TASP1: variants seen among roughly 807,000 people sequenced by gnomAD.
TASP1 encodes the protein taspase 1.
In TASP1, 16 loss-of-function variants were observed where a neutral mutation model predicts 56.6. The ratio of observed to expected loss-of-function variants is 0.28; its 90% CI spans 0.19 to 0.43. The LOEUF is 0.43. TASP1 is among the 20% of genes least tolerant of loss of function. The probability of loss-of-function intolerance (pLI) is 1.00; values close to 1 mark genes in which losing one functional copy is unlikely to be tolerated. For synonymous variants in TASP1, 179 were observed against 184.2 expected, an observed-to-expected ratio of 0.97 and a Z score of 0.23; for missense variants, 393 against 511.6, an observed-to-expected ratio of 0.77 and a Z score of 2.24.
chr20:13,557,705 C>T (rs1351528016), intron 8 of TASP1, among the ~76,000 whole-genome samples: 2 of 151,002 alleles, frequency 1.3e-5, no homozygotes, highest in African/African-American at 4.9e-5. Context: ...CTCAGCCTCC[C>T]GAGTAGCTGA....
chr20:13,545,571 T>A (rs547916679), intron 8 of TASP1, among the ~76,000 whole-genome samples: 18 of 152,348 alleles, frequency 1.2e-4, no homozygotes. Context: ...TCAACTGACA[T>A]TCCCCCACCA....
At chr20:13,462,586 C>T (rs541913069) in intron 11 of TASP1, among the ~76,000 whole-genome samples, 19 of 152,202 alleles carry the variant, frequency 1.2e-4, no homozygotes, top group African/African-American at 4.1e-4. Flanking sequence ...AAAGATTTTC[C>T]AGGCATCACA....
chr20:13,403,590 C>T (rs6109858), intron 13 of TASP1, among the ~76,000 whole-genome samples: 104,772 of 152,126 alleles, frequency 0.69, 36,417 homozygotes, highest in African/African-American at 0.75. Context: ...TAACTTGCCC[C>T]GGCTTATAAA....
the TASP1 span, among the ~76,000 whole-genome samples, chr20:13,343,299 C>A: frequency 6.6e-6 from 1 of 152,244 alleles, no homozygotes; most frequent in Non-Finnish European, 1.5e-5. Context: ...AGAGCAGAGG[C>A]TCAGCAGCCC....
the TASP1 span, among the ~76,000 whole-genome samples, chr20:13,356,749 C>T: frequency 6.6e-6 from 1 of 152,190 alleles, no homozygotes; most frequent in Non-Finnish European, 1.5e-5. Context: ...TTAAACCACT[C>T]AAAACCAGAT....
chr20:13,247,517 G>GGGGT, the TASP1 span, among the ~76,000 whole-genome samples: 2,595 of 139,880 alleles, frequency 0.019, 23 homozygotes, highest in African/African-American at 0.029. Context: ...CAAAGTGAGG[G>GGGGT]GTGTGTGTGT....
chr20:13,431,232 T>C (rs918870068), intron 12 of TASP1, among the ~76,000 whole-genome samples: 3 of 152,162 alleles, frequency 2.0e-5, no homozygotes, highest in African/African-American at 7.2e-5. Flanking sequence ...GCCATGAGTT[T>C]ATAGTTATAC....
At chr20:13,624,364 C>T (rs984779583) in intron 3 of TASP1, among the ~76,000 whole-genome samples, 16 of 151,910 alleles carry the variant, frequency 1.1e-4, no homozygotes, top group African/African-American at 3.6e-4. Context: ...AAAATAGCTT[C>T]GAGAACTTTT....
At chr20:13,126,844 TA>T in the TASP1 span, 1 of 1,324,236 alleles carries the variant, frequency 7.6e-7, no homozygotes, top group Non-Finnish European at 1.0e-6. Flanking sequence ...AGCCATGTGA[TA>T]AATGCACAAA....
the TASP1 span, among the ~76,000 whole-genome samples, chr20:13,319,312 A>C: frequency 4.6e-5 from 7 of 152,282 alleles, no homozygotes; most frequent in South Asian, 1.5e-3. Flanking sequence ...TGAACTAGAC[A>C]CTTATCTGGT....
At chr20:13,323,569 AT>A in the TASP1 span, among the ~76,000 whole-genome samples, 1 of 152,180 alleles carries the variant, frequency 6.6e-6, no homozygotes, top group Non-Finnish European at 1.5e-5. Flanking sequence ...TTTCTTGGCC[AT>A]TTACTTTGTT....
At chr20:13,149,462 C>A in the TASP1 span, among the ~76,000 whole-genome samples, 1 of 152,230 alleles carries the variant, frequency 6.6e-6, no homozygotes, top group Non-Finnish European at 1.5e-5. Flanking sequence ...ACAAATTCCA[C>A]CTCTGTCCCC....
the TASP1 span, among the ~76,000 whole-genome samples, chr20:13,214,538 C>CAGAG: frequency 1.3e-4 from 16 of 122,822 alleles, no homozygotes; most frequent in African/African-American, 5.4e-4. Context: ...CACACACACA[C>CAGAG]ACACACACAC....
At chr20:13,570,836 G>A (rs929001217) in intron 6 of TASP1, among the ~76,000 whole-genome samples, 3 of 152,154 alleles carry the variant, frequency 2.0e-5, no homozygotes, top group Middle Eastern at 3.4e-3. Flanking sequence ...GAGCTTGGAC[G>A]CAAATTTGAA....
At chr20:13,573,190 A>C (rs929687543) in intron 6 of TASP1, among the ~76,000 whole-genome samples, 1 of 152,208 alleles carries the variant, frequency 6.6e-6, no homozygotes, top group Admixed American at 6.5e-5. Context: ...ACTCTGTTTT[A>C]ATTTTTTTAT....
chr20:13,293,959 A>G, the TASP1 span, among the ~76,000 whole-genome samples: 1 of 151,942 alleles, frequency 6.6e-6, no homozygotes, highest in East Asian at 1.9e-4. Context: ...GGGCAACAAG[A>G]GTGAAACTCC....
chr20:13,367,079 T>A, the TASP1 span, among the ~76,000 whole-genome samples: 5 of 152,240 alleles, frequency 3.3e-5, no homozygotes, highest in African/African-American at 1.2e-4. Context: ...GAACTCATTT[T>A]ATATAAATAT....
chr20:13,595,574 T>C (rs1035737138), intron 4 of TASP1, among the ~76,000 whole-genome samples: 2 of 152,038 alleles, frequency 1.3e-5, no homozygotes, highest in Non-Finnish European at 2.9e-5. Context: ...GGGGTTGCAA[T>C]CCTAGTCTCT....
chr20:13,524,726 T>C (rs2044905215), intron 10 of TASP1, among the ~76,000 whole-genome samples: 2 of 152,204 alleles, frequency 1.3e-5, no homozygotes. Context: ...AGGTGTGTTA[T>C]AACTGATGCA....
Sources: gnomAD v4.1 joint callset for allele counts (sites outside exome capture counted in the v4.1 genomes callset) on GRCh38, gnomAD v4.1.1 for gene constraint, MANE v1.5 for transcripts, NCBI Gene and HGNC (gene_info 2026-07-23, HGNC 2026-07-21) for gene names.